CNR2: variants seen among roughly 807,000 people sequenced by gnomAD.
The protein encoded by CNR2 is cannabinoid receptor 2.
For synonymous variants in CNR2, 172 were observed against 182.2 expected, an observed-to-expected ratio of 0.94 and a Z score of 0.45; for missense variants, 379 against 439.9, an observed-to-expected ratio of 0.86 and a Z score of 1.24.
intron 1 of CNR2, chr1:23,901,371 A>G: frequency 9.6e-7 from 1 of 1,042,954 alleles, no homozygotes; most frequent in Non-Finnish European, 1.4e-6. Flanking sequence ...TGCCAAAGAG[A>G]GACAAGGTTA....
At chr1:23,888,102 T>C (rs1323364370) in intron 1 of CNR2, among the ~76,000 whole-genome samples, 1 of 152,208 alleles carries the variant, frequency 6.6e-6, no homozygotes, top group Non-Finnish European at 1.5e-5. Flanking sequence ...CACCTCAAAA[T>C]GCTTAAAGGG....
chr1:23,905,065 G>A (rs1432250637), intron 1 of CNR2, among the ~76,000 whole-genome samples: 1 of 152,188 alleles, frequency 6.6e-6, no homozygotes, highest in East Asian at 1.9e-4. Context: ...GAGAGCCATG[G>A]AGGCTCAGCT....
At chr1:23,900,128 C>G (rs987352952) in intron 1 of CNR2, among the ~76,000 whole-genome samples, 2 of 151,608 alleles carry the variant, frequency 1.3e-5, no homozygotes, top group African/African-American at 4.8e-5. Context: ...TGGCACCACC[C>G]AAATCCATAA....
At chr1:23,894,589 G>C (rs1640246453) in intron 1 of CNR2, among the ~76,000 whole-genome samples, 1 of 147,052 alleles carries the variant, frequency 6.8e-6, no homozygotes, top group Non-Finnish European at 1.5e-5. Flanking sequence ...AGCACTTGAG[G>C]TCAGGAGTTC....
chr1:23,913,129 T>C, intron 1 of CNR2, 117 bp downstream of exon 1: 1 of 166,996 alleles, frequency 6.0e-6, no homozygotes, highest in South Asian at 1.5e-4. Flanking sequence ...CCACTGTACT[T>C]TAGCCTGGTC....
intron 1 of CNR2, among the ~76,000 whole-genome samples, chr1:23,904,732 C>A (rs903660404): frequency 6.6e-6 from 1 of 152,272 alleles, no homozygotes; most frequent in South Asian, 2.1e-4. Flanking sequence ...CCATGAAGTG[C>A]TCTCTGTAGG....
At position 23,874,881 on chromosome 1, in the gene CNR2, G is replaced by A; in HGVS notation, c.737C>T (p.Thr246Ile). 6.2e-7 allele frequency: 1 copy of A among 1,614,138 alleles called. No individual in the cohort carries two copies. The highest frequency in any genetic ancestry group is 8.5e-7 in the Non-Finnish European group (1 of 1,180,002). The change falls in exon 2 of 2, where the codon ACC becomes ATC. Residue 246 changes from threonine (T) to isoleucine (I), a missense_variant. Coordinates refer to ENST00000374472, the MANE Select transcript of CNR2 (RefSeq NM_001841.3). ...GAGCACAGCCAACACTAGCCCTAGGGTCTTGGCCAACCTCACATCCAGCCT... is the reference window on the plus strand; with the variant it reads ...GAGCACAGCCAACACTAGCCCTAGGATCTTGGCCAACCTCACATCCAGCCT... ...RMRLDVRLAK[T>I]LGLVLAVLLI... is the part of the protein sequence containing the mutation.
intron 1 of CNR2, chr1:23,901,801 A>C: frequency 3.2e-6 from 5 of 1,577,438 alleles, no homozygotes; most frequent in Non-Finnish European, 4.4e-6. Context: ...AGCTGGACCC[A>C]CACAGGCCTA....
chr1:23,900,372 T>A (rs1262175425), intron 1 of CNR2, among the ~76,000 whole-genome samples: 1 of 152,026 alleles, frequency 6.6e-6, no homozygotes, highest in Non-Finnish European at 1.5e-5. Context: ...TTACTCTTTC[T>A]CTATTGCAAT....
At chr1:23,896,423 GACTA>G (rs1320993326) in intron 1 of CNR2, among the ~76,000 whole-genome samples, 1 of 152,356 alleles carries the variant, frequency 6.6e-6, no homozygotes, top group Non-Finnish European at 1.5e-5. Context: ...GAGGCATGAA[GACTA>G]ACTGAGTTAG....
chr1:23,886,478 T>G (rs1401039447), intron 1 of CNR2, among the ~76,000 whole-genome samples: 1 of 152,206 alleles, frequency 6.6e-6, no homozygotes, highest in African/African-American at 2.4e-5. Context: ...TGCCCATATT[T>G]CCTGCCCTTA....
In CNR2 at chr1:23,885,902, G is replaced by C. The variant is rs571504281; in HGVS notation, c.-45-10240C>G. Among the ~76,000 whole-genome samples the C allele has an allele frequency of 1.0e-4, 12 of 114,710 alleles. No individual in the cohort carries two copies. In the South Asian group the frequency reaches 3.3e-3, roughly 32 times the overall value. The allele number at this position is 114,710 out of a possible 152,430, so 75.3% of individuals were successfully genotyped here. ...TAGGAAAGAAAAAGGGTGGCGGCGGGGGGGTGGCCAGGCACGGTGGCTCAC... is the reference window on the plus strand; with the variant it reads ...TAGGAAAGAAAAAGGGTGGCGGCGGCGGGGTGGCCAGGCACGGTGGCTCAC... On this transcript the variant is annotated intron_variant, in intron 1 of 1. Transcript: ENST00000374472.
chr1:23,901,779 C>T (rs952223889), intron 1 of CNR2: 24 of 1,512,946 alleles, frequency 1.6e-5, no homozygotes, highest in Non-Finnish European at 2.2e-5. Flanking sequence ...ACGCTGTACT[C>T]AGCCTTCCCA....
At chr1:23,911,503 T>A (rs141968555) in intron 1 of CNR2, among the ~76,000 whole-genome samples, 42 of 152,146 alleles carry the variant, frequency 2.8e-4, no homozygotes, top group African/African-American at 8.4e-4. Context: ...TCAATGTGCA[T>A]GGGTGGGGAT....
At chr1:23,900,826 C>T (rs1423702532) in intron 1 of CNR2, among the ~76,000 whole-genome samples, 3 of 152,006 alleles carry the variant, frequency 2.0e-5, no homozygotes, top group Admixed American at 6.6e-5. Flanking sequence ...CATTTTTATC[C>T]TTCCCACCTT....
intron 1 of CNR2, among the ~76,000 whole-genome samples, chr1:23,896,847 C>T (rs994296847): frequency 3.3e-5 from 5 of 151,478 alleles, no homozygotes; most frequent in African/African-American, 1.2e-4. Context: ...GGCACAATAG[C>T]CTCCTTCTCA....
intron 1 of CNR2, among the ~76,000 whole-genome samples, chr1:23,898,756 G>A (rs377001690): frequency 1.6e-4 from 22 of 134,536 alleles, no homozygotes; most frequent in African/African-American, 5.9e-4. Flanking sequence ...AGGTTCAAGT[G>A]ATTTTCCTGC....
At chr1:23,909,384 C>A (rs1413682378) in intron 1 of CNR2, among the ~76,000 whole-genome samples, 1 of 152,192 alleles carries the variant, frequency 6.6e-6, no homozygotes, top group Non-Finnish European at 1.5e-5. Flanking sequence ...GTGGTCCCTG[C>A]AGCATAGCTG....
intron 1 of CNR2, chr1:23,902,803 G>T: frequency 9.8e-6 from 14 of 1,424,468 alleles, no homozygotes; most frequent in Non-Finnish European, 1.3e-5. Context: ...GCGCGGGCGC[G>T]GGGGCGCGGT....
Sources: gnomAD v4.1 joint callset for allele counts (sites outside exome capture counted in the v4.1 genomes callset) on GRCh38, gnomAD v4.1.1 for gene constraint, MANE v1.5 for transcripts, NCBI Gene and HGNC (gene_info 2026-07-23, HGNC 2026-07-21) for gene names.